IGFLR1: variants seen among roughly 807,000 people sequenced by gnomAD.
IGFLR1 encodes IGF like family receptor 1.
IGFLR1 carries 17 observed loss-of-function variants against 23.4 expected under a neutral mutation model. The observed-to-expected ratio is 0.73, with a 90% CI of 0.50 to 1.09. The LOEUF (loss-of-function observed/expected upper bound fraction) is 1.09. Ranked by LOEUF, IGFLR1 falls within the 50% of genes least tolerant of loss-of-function variation. The pLI is 0.00. For synonymous variants in IGFLR1, 265 were observed against 210.7 expected (o/e 1.26, Z -2.23); for missense variants, 556 against 459.2 (o/e 1.21, Z -1.93).
Position 35,740,011 on chromosome 19 carries a change from T to C in IGFLR1, c.420A>G (p.Ser140=). 6.2e-7 allele frequency: 1 copy of C among 1,614,024 alleles called. No individual in the cohort carries two copies. The highest frequency in any genetic ancestry group is 8.5e-7 in the Non-Finnish European group (1 of 1,179,968). ...PGAPSSQERS[S]PASSIAWRTP... The stretch of plus-strand genomic sequence containing the variant: ...TCCTCCAGGCAATGGAACTTGCTGG[T>C]GAGCTGCGCTCCTGGGAGCTAGGGG... The change falls in exon 4 of 5, where the codon TCA becomes TCG. Residue 140 remains serine, a synonymous_variant. Transcript: ENST00000246532.
Position 35,739,487 on chromosome 19 carries a change from T to A in IGFLR1, c.861A>T (p.Ala287=), listed in dbSNP as rs1194916905. The A allele has an allele frequency of 6.2e-7, 1 of 1,613,984 alleles. No individual in the cohort carries two copies. The highest frequency in any genetic ancestry group is 1.1e-5 in the South Asian group (1 of 91,084). The change falls in exon 5 of 5, where the codon GCA becomes GCT. Residue 287 remains alanine, a synonymous_variant. Coordinates refer to ENST00000246532, the MANE Select transcript of IGFLR1 (RefSeq NM_024660.4). ...MAHGTTRHLA[A]RYGLPAAWST... ...ACCAGGCAGCAGGCAGCCCATATCT[T>A]GCGGCCAGGTGTCGAGTAGTGCCAT...
rs769761951 is a variant in IGFLR1, at chr19:35,739,122, A to G, written c.*158T>C. ...AGAGGCACCTGGGGTCAGCCCTCCCACATGTGGCCCTGTGTGTATGTTGGA... is the reference window on the plus strand; with the variant it reads ...AGAGGCACCTGGGGTCAGCCCTCCCGCATGTGGCCCTGTGTGTATGTTGGA... On this transcript the variant is annotated 3_prime_UTR_variant, in exon 5 of 5. Transcript: ENST00000246532. 1 of 729,718 alleles carries G rather than the reference A, an allele frequency of 1.4e-6. No individual in the cohort carries two copies. Among genetic ancestry groups the G allele is most frequent in the African/African-American group, 1.8e-5 (1 of 56,272 alleles). 45.2% of individuals were successfully genotyped at this position (729,718 alleles called of 1,614,324 possible). A position where few individuals can be genotyped will look rare whatever the true frequency, so the allele number is the denominator to read the frequency against.
chr19:35,741,029 C>T lies in IGFLR1; in HGVS notation c.152G>A (p.Cys51Tyr). Residue 51 changes from cysteine to tyrosine, a missense_variant, in exon 2 of 5, where the codon TGC becomes TAC. By Grantham distance (194) the Cys-to-Tyr change is radical. Coordinates refer to ENST00000246532, the MANE Select transcript of IGFLR1 (RefSeq NM_024660.4). ...GCTCGGTCTCGGATTCTCACCCGGG[C>T]AGGGGGGCGGCCCGAAGCGTTGCAG... The part of the protein sequence containing the change: ...SCLQRFGPPP[C>Y]PDYEFRENCG... 2 of 1,611,156 alleles carry T rather than the reference C, an allele frequency of 1.2e-6. No individual in the cohort carries two copies. Among genetic ancestry groups the T allele is most frequent in the Non-Finnish European group, 8.5e-7 (1 of 1,178,894 alleles).
chr19:35,741,670 A>C (rs28565128), intron 1 of IGFLR1: 18,249 of 153,790 alleles, frequency 0.12, 1,292 homozygotes, highest in Middle Eastern at 0.24. Flanking sequence ...AAAAAAAAAA[A>C]AAAAAAAAAA....
At chr19:35,741,669 A>C (rs867090554) in intron 1 of IGFLR1, 2,215 of 155,010 alleles carry the variant, frequency 0.014, 20 homozygotes, top group Middle Eastern at 0.027. Context: ...AAAAAAAAAA[A>C]AAAAAAAAAA....
At position 35,739,457 on chromosome 19, in the gene IGFLR1, G is replaced by A. The variant is rs749739783; in HGVS notation, c.891C>T (p.Thr297=). Residue 297 remains threonine (T), a synonymous_variant, in exon 5 of 5, where the codon ACC becomes ACT. Transcript: ENST00000246532. The stretch of plus-strand genomic sequence containing the variant: ...GACTCGGCCTCAGCGAATAGGCAAA[G>A]GTGGACCAGGCAGCAGGCAGCCCAT... ...ARYGLPAAWS[T]FAYSLRPSRS... is the part of the protein sequence containing the mutation. The A allele has an allele frequency of 2.5e-6, 4 of 1,613,892 alleles. No homozygotes were observed. Among genetic ancestry groups the A allele is most frequent in the Non-Finnish European group, 3.4e-6 (4 of 1,180,012 alleles).
rs778096623 is a variant in IGFLR1 at position 35,739,561 on chromosome 19, G to C, written c.787C>G (p.Leu263Val). ...LLDELEVLEE[L>V]IVLLDPEPGP... Reference sequence around the variant, plus strand: ...GGCTCAGGGTCCAGCAGTACAATCAGCTCTTCCAGCACCTCCAGCTCATCC... The same window carrying C: ...GGCTCAGGGTCCAGCAGTACAATCACCTCTTCCAGCACCTCCAGCTCATCC... Residue 263 changes from leucine to valine, a missense_variant, in exon 5 of 5, where the codon CTG (leucine) becomes GTG (valine). Coordinates refer to ENST00000246532, the MANE Select transcript of IGFLR1 (RefSeq NM_024660.4). 19 of 1,613,862 alleles carry C rather than the reference G, an allele frequency of 1.2e-5. No individual in the cohort carries two copies. Among genetic ancestry groups the C allele is most frequent in the Middle Eastern group, 1.6e-4 (1 of 6,084 alleles).
Sources: allele counts gnomAD v4.1 joint callset, GRCh38; gene constraint gnomAD v4.1.1; transcripts MANE v1.5; gene names NCBI Gene and HGNC (gene_info 2026-07-23, HGNC 2026-07-21).